The following DPH5 variants were observed in gnomAD, a reference collection of about 807,000 sequenced individuals.
DPH5 encodes the protein diphthine methyl ester synthase.
DPH5 carries 31 observed loss-of-function variants against 31.6 expected under a neutral mutation model. The ratio of observed to expected loss-of-function variants is 0.98; its 90% confidence interval spans 0.74 to 1.32. DPH5 has a LOEUF of 1.32. Ranked by LOEUF, DPH5 falls within the 40% of genes most tolerant of loss-of-function variation. The pLI is 0.00. For synonymous variants in DPH5, 120 were observed against 115.0 expected, an observed-to-expected ratio of 1.04 and a Z score of -0.28; for missense variants, 309 against 335.7, an observed-to-expected ratio of 0.92 and a Z score of 0.62.
chr1:101,013,015 A>C lies in DPH5; in HGVS notation c.369+695T>G, dbSNP rs892946859. 6.4e-4 allele frequency among the ~76,000 whole-genome samples: 97 copies of C among 152,304 alleles called. 1 individual carries two copies. The highest frequency in any genetic ancestry group is 2.2e-3 in the African/African-American group (93 of 41,576). ...ATGCATGTTGTTTTCCTATTATGATATATCTGAAAATAGGAATGTGTCTTA... is the reference window on the plus strand; with the variant it reads ...ATGCATGTTGTTTTCCTATTATGATCTATCTGAAAATAGGAATGTGTCTTA... On this transcript the variant is annotated intron_variant, in intron 4 of 7. Coordinates refer to ENST00000370109, the MANE Select transcript of DPH5 (RefSeq NM_015958.3).
chr1:101,018,796 A>G (rs7530338), intron 3 of DPH5, among the ~76,000 whole-genome samples: 4,218 of 152,290 alleles, frequency 0.028, 204 homozygotes, highest in African/African-American at 0.094. Flanking sequence ...AACAACCTAA[A>G]ACATGGGGAT....
At position 101,021,724 on chromosome 1, in the gene DPH5, TTCTC is replaced by T. The variant is rs1299438139; in HGVS notation, c.173_176del (p.Arg58LysfsTer11). On this transcript the variant is annotated frameshift_variant, in exon 3 of 8. Transcript: ENST00000370109. LOFTEE classifies it high-confidence loss of function. ...TATTATCTGCTTCTTGTTCCACTTC[TTCTC>T]TATCAGCAACAACCAATTTTCTTCC... The T allele has an allele frequency of 6.2e-6, 10 of 1,613,814 alleles. No individual in the cohort carries two copies. Among genetic ancestry groups the T allele is most frequent in the Admixed American group, 1.7e-5 (1 of 60,006 alleles).
intron 4 of DPH5, among the ~76,000 whole-genome samples, chr1:101,004,064 T>A (rs1448772558): frequency 6.6e-6 from 1 of 152,164 alleles, no homozygotes; most frequent in African/African-American, 2.4e-5. Flanking sequence ...GCAAGTCACA[T>A]ATAAACACTA....
chr1:101,012,080 T>C (rs1464236137), intron 4 of DPH5, among the ~76,000 whole-genome samples: 5 of 151,878 alleles, frequency 3.3e-5, no homozygotes, highest in African/African-American at 9.7e-5. Context: ...CTTGTATTTT[T>C]AGTAGAGACG....
intron 4 of DPH5, among the ~76,000 whole-genome samples, chr1:101,004,700 A>C (rs1402513505): frequency 6.6e-6 from 1 of 152,192 alleles, no homozygotes; most frequent in African/African-American, 2.4e-5. Flanking sequence ...ATAGACTCTA[A>C]GCATTATAAG....
chr1:100,995,552 A>G (rs1658271531), intron 5 of DPH5: 1 of 156,830 alleles, frequency 6.4e-6, no homozygotes. Flanking sequence ...CACATTTAAA[A>G]AAGTCTTTTG....
At chr1:101,010,083 T>C (rs1482124536) in intron 4 of DPH5, among the ~76,000 whole-genome samples, 1 of 152,252 alleles carries the variant, frequency 6.6e-6, no homozygotes, top group Admixed American at 6.5e-5. Flanking sequence ...TATCATTTTA[T>C]TGATGTTGTC....
chr1:100,992,237 T>C (rs989236477), intron 7 of DPH5, among the ~76,000 whole-genome samples: 2 of 152,122 alleles, frequency 1.3e-5, no homozygotes, highest in Non-Finnish European at 2.9e-5. Flanking sequence ...ATTCCTAGTC[T>C]CAATATTAAG....
chr1:100,994,453 T>C (rs2101148974), intron 6 of DPH5, among the ~76,000 whole-genome samples: 1 of 152,066 alleles, frequency 6.6e-6, no homozygotes, highest in South Asian at 2.1e-4. Flanking sequence ...ACTATCATTA[T>C]ACATCTGAAG....
In DPH5 at chr1:100,992,640, G is replaced by C; in HGVS notation, c.631C>G (p.Pro211Ala). ...GCCCTTCTAGTGTCTTGAGTACCTG[G>C]TTCTTCTCCTCGTATTCTTTGATTT... is the stretch of plus-strand genomic sequence containing the variant. ...VQNQRIRGEE[P>A]AVTEETLCVG... Residue 211 changes from proline (P) to alanine (A), a missense_variant, in exon 7 of 8, where the codon CCA becomes GCA. Coordinates refer to ENST00000370109, the MANE Select transcript of DPH5 (RefSeq NM_015958.3). The C allele has an allele frequency of 6.2e-7, 1 of 1,613,158 alleles. No individual in the cohort carries two copies. The highest frequency in any genetic ancestry group is 8.5e-7 in the Non-Finnish European group (1 of 1,179,268).
At chr1:101,017,335 C>T (rs1660153559) in intron 3 of DPH5, among the ~76,000 whole-genome samples, 1 of 152,076 alleles carries the variant, frequency 6.6e-6, no homozygotes, top group Non-Finnish European at 1.5e-5. Flanking sequence ...TTATATCTGT[C>T]CAGCAGTCAT....
Position 101,013,824 on chromosome 1 carries a change from G to A in DPH5, c.261-6C>T, listed in dbSNP as rs754884736. ...GATCACTGTGTGTTGTGGCCCTGTAGTGAGAAAAGATTAGATTGGATTAAA... is the reference window on the plus strand; with the variant it reads ...GATCACTGTGTGTTGTGGCCCTGTAATGAGAAAAGATTAGATTGGATTAAA... On this transcript the variant is annotated splice_region_variant and splice_polypyrimidine_tract_variant and intron_variant, in intron 3 of 7. Transcript: ENST00000370109. 15 of 1,601,408 alleles carry A rather than the reference G, an allele frequency of 9.4e-6. No individual in the cohort carries two copies. Among genetic ancestry groups the A allele is most frequent in the South Asian group, 4.5e-5 (4 of 89,268 alleles).
chr1:100,999,989 T>C (rs191356756), intron 5 of DPH5, among the ~76,000 whole-genome samples: 1 of 150,828 alleles, frequency 6.6e-6, no homozygotes, highest in African/African-American at 2.4e-5. Flanking sequence ...CTAAAAAAAA[T>C]ACAAAAAATT....
chr1:101,008,101 A>C (rs1445561956), intron 4 of DPH5, among the ~76,000 whole-genome samples: 1 of 152,236 alleles, frequency 6.6e-6, no homozygotes, highest in Non-Finnish European at 1.5e-5. Flanking sequence ...ATCTTTGCTA[A>C]ATGTTGGAAA....
At chr1:100,997,479 T>C (rs1658462305) in intron 5 of DPH5, among the ~76,000 whole-genome samples, 1 of 152,042 alleles carries the variant, frequency 6.6e-6, no homozygotes, top group African/African-American at 2.4e-5. Flanking sequence ...CATTCTCTTG[T>C]CTCAGCCTCC....
At chr1:101,006,926 C>G (rs549181005) in intron 4 of DPH5, among the ~76,000 whole-genome samples, 3 of 152,316 alleles carry the variant, frequency 2.0e-5, no homozygotes, top group Non-Finnish European at 4.4e-5. Flanking sequence ...TCAGCCACAA[C>G]TGATAATGCA....
At chr1:101,009,803 C>T (rs1287119142) in intron 4 of DPH5, among the ~76,000 whole-genome samples, 1 of 152,142 alleles carries the variant, frequency 6.6e-6, no homozygotes, top group Non-Finnish European at 1.5e-5. Flanking sequence ...GTGATACAGC[C>T]CTATCCACCT....
At chr1:101,017,296 G>A (rs1660151117) in intron 3 of DPH5, among the ~76,000 whole-genome samples, 1 of 152,186 alleles carries the variant, frequency 6.6e-6, no homozygotes, top group Non-Finnish European at 1.5e-5. Context: ...GTCTTTATAT[G>A]AGAGTCCTAT....
chr1:101,013,709 C>T lies in DPH5; in HGVS notation c.369+1G>A. 1 of 1,575,564 alleles carries T rather than the reference C, an allele frequency of 6.3e-7. No individual in the cohort carries two copies. Among genetic ancestry groups the T allele is most frequent in the Non-Finnish European group, 8.6e-7 (1 of 1,159,460 alleles). On this transcript the variant is annotated splice_donor_variant, in intron 4 of 7. Coordinates refer to ENST00000370109, the MANE Select transcript of DPH5 (RefSeq NM_015958.3). LOFTEE classifies it high-confidence loss of function. ...CTGAAAAACCTCCTTTGTTGCATTA[C>T]CTGTAAACCACAGCAGCCTACAGCA... is the stretch of plus-strand genomic sequence containing the variant.
Sources: gnomAD v4.1 joint callset for allele counts (sites outside exome capture counted in the v4.1 genomes callset) on GRCh38, gnomAD v4.1.1 for gene constraint, MANE v1.5 for transcripts, NCBI Gene and HGNC (gene_info 2026-07-23, HGNC 2026-07-21) for gene names.